Variants in CACNA2D3 observed in about 807,000 individuals in gnomAD.
CACNA2D3 encodes the protein calcium voltage-gated channel auxiliary subunit alpha2delta 3, also known as voltage-dependent calcium channel subunit alpha-2/delta-3.
Under a neutral mutation model 160.6 loss-of-function variants are expected in CACNA2D3, and 60 were observed. That is an observed-to-expected ratio of 0.37 (90% confidence interval 0.30 to 0.46). The LOEUF is 0.46. CACNA2D3 is among the 20% of genes least tolerant of loss of function. The pLI is 1.00. For synonymous variants in CACNA2D3, 558 were observed against 492.9 expected (o/e 1.13, Z -1.75); for missense variants, 1,205 against 1,365.0 (o/e 0.88, Z 1.85).
chr3:54,821,689 TTTCTTTCTTTCC>T (rs1256334765), intron 14 of CACNA2D3, among the ~76,000 whole-genome samples: 4 of 90,202 alleles, frequency 4.4e-5, no homozygotes, highest in African/African-American at 9.3e-5. Context: ...TCTTTCTTTC[TTTCTTTCTTTCC>T]TTCCTTCCTT....
intron 4 of CACNA2D3, among the ~76,000 whole-genome samples, chr3:54,479,416 G>A (rs965496086): frequency 1.3e-5 from 2 of 152,168 alleles, no homozygotes; most frequent in African/African-American, 4.8e-5. Flanking sequence ...CATATCCCCT[G>A]AGAATGATGG....
At chr3:54,859,972 GCACACACACACACACACACACACACACA>G (rs1553891454) in intron 17 of CACNA2D3, among the ~76,000 whole-genome samples, 1 of 133,788 alleles carries the variant, frequency 7.5e-6, no homozygotes, top group Non-Finnish European at 1.6e-5. Flanking sequence ...GAAAGTAGAT[GCACACACACACACACACACACACACACA>G]CACACACACA....
At chr3:54,874,503 C>T (rs1699614423) in intron 18 of CACNA2D3, 3 of 151,964 alleles carry the variant, frequency 2.0e-5, no homozygotes, top group Admixed American at 2.0e-4. Flanking sequence ...CCAGTCATTC[C>T]CAAGCTTTCC....
chr3:54,187,933 C>T (rs749214553), intron 2 of CACNA2D3, among the ~76,000 whole-genome samples: 12 of 151,876 alleles, frequency 7.9e-5, no homozygotes, highest in Non-Finnish European at 1.0e-4. Flanking sequence ...GTCCGTGGTC[C>T]GGGGGTTGGG....
intron 2 of CACNA2D3, among the ~76,000 whole-genome samples, chr3:54,219,160 T>C (rs549256645): frequency 6.6e-6 from 1 of 152,318 alleles, no homozygotes; most frequent in African/African-American, 2.4e-5. Context: ...CAATGCATGC[T>C]GGAGCTGCCT....
chr3:54,300,003 G>A (rs1328066568), intron 2 of CACNA2D3, among the ~76,000 whole-genome samples: 1 of 152,144 alleles, frequency 6.6e-6, no homozygotes, highest in Non-Finnish European at 1.5e-5. Context: ...TTGCTGCTCG[G>A]ATGTATTTTT....
chr3:54,786,717 A>C (rs770899529), intron 13 of CACNA2D3, among the ~76,000 whole-genome samples: 2 of 152,248 alleles, frequency 1.3e-5, no homozygotes, highest in African/African-American at 2.4e-5. Context: ...CTAGTTGATA[A>C]ACAGTATGTA....
Position 54,386,765 on chromosome 3 carries a change from A to C in CACNA2D3, c.372A>C (p.Ala124=), listed in dbSNP as rs780639925. Residue 124 remains alanine, a synonymous_variant, in exon 4 of 38, where the codon GCA becomes GCC. Transcript: ENST00000474759. The part of the protein sequence containing the change: ...EEAHLKHEFD[A]DLQYEYFNAV... ...CACACCTGAAACATGAATTTGATGC[A>C]GACTTACAGGTAACTGATTATAGTT... 1 of 1,593,106 alleles carries C rather than the reference A, an allele frequency of 6.3e-7. No homozygotes were observed. Among genetic ancestry groups the C allele is most frequent in the Non-Finnish European group, 8.5e-7 (1 of 1,169,784 alleles).
At chr3:54,125,499 C>T (rs1699574288) in intron 2 of CACNA2D3, among the ~76,000 whole-genome samples, 1 of 151,962 alleles carries the variant, frequency 6.6e-6, no homozygotes, top group Non-Finnish European at 1.5e-5. Context: ...TAATCTGATG[C>T]GAGGGAAAGG....
rs890781677 is a variant in CACNA2D3 at position 54,225,395 on chromosome 3, C to T, written c.205-95047C>T. On this transcript the variant is annotated intron_variant, in intron 2 of 37. Coordinates refer to ENST00000474759, the MANE Select transcript of CACNA2D3 (RefSeq NM_018398.3). ...CTGTGTTTTTAAAAAGTGCTTCCTACCGGTTCTCTTTCTCATTTCCCCTTG... is the reference window on the plus strand; with the variant it reads ...CTGTGTTTTTAAAAAGTGCTTCCTATCGGTTCTCTTTCTCATTTCCCCTTG... 3.9e-5 allele frequency among the ~76,000 whole-genome samples: 6 copies of T among 152,206 alleles called. No individual in the cohort carries two copies. In the South Asian group the frequency reaches 1.0e-3, roughly 26 times the overall value.
chr3:54,960,956 G>A (rs752522091), intron 27 of CACNA2D3, among the ~76,000 whole-genome samples: 1 of 152,194 alleles, frequency 6.6e-6, no homozygotes, highest in Non-Finnish European at 1.5e-5. Flanking sequence ...TATTTTCCTT[G>A]ATGCTCCAGA....
chr3:54,253,186 G>A (rs1037841065), intron 2 of CACNA2D3, among the ~76,000 whole-genome samples: 3 of 150,354 alleles, frequency 2.0e-5, no homozygotes, highest in African/African-American at 7.3e-5. Flanking sequence ...TGAGTCTTGT[G>A]GTGTTAATTC....
intron 9 of CACNA2D3, among the ~76,000 whole-genome samples, chr3:54,627,370 G>A (rs1053367527): frequency 7.2e-5 from 11 of 152,174 alleles, no homozygotes; most frequent in African/African-American, 2.7e-4. Flanking sequence ...TGAAAAGTGG[G>A]TGGGAGAGGG....
chr3:54,736,131 GT>G, intron 11 of CACNA2D3, among the ~76,000 whole-genome samples: 1 of 42,304 alleles, frequency 2.4e-5, no homozygotes, highest in Admixed American at 2.5e-4. Flanking sequence ...ATATATATAT[GT>G]ATATATATAC....
chr3:54,558,754 A>T (rs978092333), intron 5 of CACNA2D3, among the ~76,000 whole-genome samples: 1 of 152,056 alleles, frequency 6.6e-6, no homozygotes, highest in African/African-American at 2.4e-5. Context: ...TAATCTCATT[A>T]TTTTTTATGG....
intron 5 of CACNA2D3, among the ~76,000 whole-genome samples, chr3:54,534,557 G>A (rs570491667): frequency 6.6e-6 from 1 of 151,486 alleles, no homozygotes; most frequent in South Asian, 2.1e-4. Flanking sequence ...CTCTTCATTC[G>A]TTCACTCCAT....
chr3:54,316,035 G>A (rs1045605296), intron 2 of CACNA2D3, among the ~76,000 whole-genome samples: 2 of 152,268 alleles, frequency 1.3e-5, no homozygotes, highest in Non-Finnish European at 1.5e-5. Context: ...GGCTGTGAAT[G>A]TACAATCACA....
Position 54,350,966 on chromosome 3 carries a change from C to CGGTTTTTT in CACNA2D3, c.321+30408_321+30409insGGTTTTTT, listed in dbSNP as rs1559457706. On this transcript the variant is annotated intron_variant, in intron 3 of 37. Coordinates refer to ENST00000474759, the MANE Select transcript of CACNA2D3 (RefSeq NM_018398.3). ...CTGCTTGGATTTTGAGATCTTGAGT[C>CGGTTTTTT]TGTTTTTTTTTTTTTGTTTGTTTTT... Among the ~76,000 whole-genome samples, 4 of 63,284 alleles carry CGGTTTTTT rather than the reference C, an allele frequency of 6.3e-5. 1 individual carries two copies. Among genetic ancestry groups the CGGTTTTTT allele is most frequent in the Admixed American group, 2.0e-4 (1 of 5,016 alleles). The allele number at this position is 63,284 out of a possible 152,430, so 41.5% of individuals were successfully genotyped here.
At chr3:54,670,584 G>A (rs1272773720) in intron 11 of CACNA2D3, among the ~76,000 whole-genome samples, 1 of 152,188 alleles carries the variant, frequency 6.6e-6, no homozygotes, top group Non-Finnish European at 1.5e-5. Flanking sequence ...GTGAGGGGAG[G>A]CAGCTAGGGC....
Sources: allele counts gnomAD v4.1 joint callset (sites outside exome capture counted in the v4.1 genomes callset), GRCh38; gene constraint gnomAD v4.1.1; transcripts MANE v1.5; gene names NCBI Gene and HGNC (gene_info 2026-07-23, HGNC 2026-07-21).